The following GLIS1 variants were observed in gnomAD, a reference collection of about 807,000 sequenced individuals.
GLIS1 encodes the protein zinc finger protein GLIS1.
In GLIS1, 24 loss-of-function variants were observed where a neutral mutation model predicts 63.8. The observed-to-expected ratio is 0.38, with a 90% CI of 0.27 to 0.53. GLIS1 has a LOEUF of 0.53. Ranked by LOEUF, GLIS1 falls within the 20% of genes least tolerant of loss-of-function variation. The probability of loss-of-function intolerance (pLI) is 0.85; values close to 1 mark genes in which losing one functional copy is unlikely to be tolerated. For synonymous variants in GLIS1, 450 were observed against 482.5 expected (o/e 0.93, Z 0.88); for missense variants, 1,036 against 1,074.1 (o/e 0.96, Z 0.50).
intron 2 of GLIS1, among the ~76,000 whole-genome samples, chr1:53,622,373 A>G (rs888749040): frequency 2.0e-5 from 3 of 147,476 alleles, no homozygotes; most frequent in Non-Finnish European, 4.5e-5. Context: ...GGTTGCAGTG[A>G]GCCGAGATCG....
chr1:53,707,268 T>C (rs750210940), intron 2 of GLIS1, among the ~76,000 whole-genome samples: 3 of 152,160 alleles, frequency 2.0e-5, no homozygotes, highest in Non-Finnish European at 2.9e-5. Flanking sequence ...TTTAAGACCA[T>C]GAGGCTGTTA....
chr1:53,554,838 C>A (rs943923359), intron 4 of GLIS1, among the ~76,000 whole-genome samples: 8 of 152,334 alleles, frequency 5.3e-5, no homozygotes, highest in Middle Eastern at 3.4e-3. Context: ...ACCCCCTGTC[C>A]CTGCTGAGGC....
At chr1:53,611,921 A>G (rs1645428168) in intron 2 of GLIS1, among the ~76,000 whole-genome samples, 1 of 151,782 alleles carries the variant, frequency 6.6e-6, no homozygotes, top group African/African-American at 2.4e-5. Flanking sequence ...GCAGCCCCAA[A>G]CTCCCAGGCT....
intron 2 of GLIS1, among the ~76,000 whole-genome samples, chr1:53,717,330 C>T (rs957910288): frequency 6.6e-6 from 1 of 152,184 alleles, no homozygotes; most frequent in African/African-American, 2.4e-5. Flanking sequence ...TAAAGGTTCG[C>T]TCTTATTAAA....
intron 3 of GLIS1, among the ~76,000 whole-genome samples, chr1:53,596,346 G>T (rs752292793): frequency 5.3e-5 from 8 of 152,232 alleles, no homozygotes; most frequent in Non-Finnish European, 1.0e-4. Context: ...AAGGGGAAAG[G>T]TCAGGAAAGT....
At chr1:53,624,679 T>C (rs765205652) in intron 2 of GLIS1, among the ~76,000 whole-genome samples, 4 of 151,966 alleles carry the variant, frequency 2.6e-5, no homozygotes, top group Non-Finnish European at 5.9e-5. Context: ...AAGCTAGAAC[T>C]ACAGGCATGT....
At chr1:53,586,214 G>T (rs984895704) in intron 4 of GLIS1, among the ~76,000 whole-genome samples, 2 of 152,192 alleles carry the variant, frequency 1.3e-5, no homozygotes, top group African/African-American at 4.8e-5. Context: ...AGGAAGAAAA[G>T]CATCCCAATG....
intron 2 of GLIS1, among the ~76,000 whole-genome samples, chr1:53,660,237 A>G (rs1013268355): frequency 4.7e-4 from 71 of 152,292 alleles, no homozygotes; most frequent in Non-Finnish European, 2.2e-4. Flanking sequence ...GACCCTTGCA[A>G]GATGAGCTCA....
chr1:53,721,743 T>C (rs183657420), intron 2 of GLIS1, among the ~76,000 whole-genome samples: 1 of 152,074 alleles, frequency 6.6e-6, no homozygotes, highest in East Asian at 1.9e-4. Flanking sequence ...CTCCCACAAA[T>C]AGTAATAATA....
intron 4 of GLIS1, among the ~76,000 whole-genome samples, chr1:53,538,822 C>T (rs754152566): frequency 1.2e-4 from 18 of 152,158 alleles, no homozygotes; most frequent in Non-Finnish European, 2.1e-4. Flanking sequence ...GGCAAAAGTT[C>T]CTGTCTGGGC....
intron 2 of GLIS1, among the ~76,000 whole-genome samples, chr1:53,660,203 C>A (rs1417527163): frequency 6.6e-6 from 1 of 152,176 alleles, no homozygotes; most frequent in East Asian, 1.9e-4. Context: ...GGCTAGGCAT[C>A]CACTGCCTCA....
chr1:53,525,705 CCCCTTGGTGGCT>C (rs1644461041), intron 5 of GLIS1, among the ~76,000 whole-genome samples: 1 of 151,870 alleles, frequency 6.6e-6, no homozygotes, highest in South Asian at 2.1e-4. Context: ...GCCTTTGAAA[CCCCTTGGTGGCT>C]CCCTGGTGCC....
intron 4 of GLIS1, among the ~76,000 whole-genome samples, chr1:53,583,412 C>T (rs1415549196): frequency 2.6e-5 from 4 of 152,202 alleles, no homozygotes; most frequent in Non-Finnish European, 4.4e-5. Flanking sequence ...ATCAGTTGAA[C>T]AGACACTCAC....
intron 4 of GLIS1, among the ~76,000 whole-genome samples, chr1:53,561,292 G>A (rs146175161): frequency 1.8e-4 from 28 of 152,086 alleles, no homozygotes; most frequent in African/African-American, 6.7e-4. Context: ...AACAGTGCAC[G>A]ACTTTACAAG....
intron 7 of GLIS1, among the ~76,000 whole-genome samples, chr1:53,520,390 C>A (rs902611773): frequency 6.6e-6 from 1 of 152,224 alleles, no homozygotes; most frequent in African/African-American, 2.4e-5. Flanking sequence ...GGGCTTCATG[C>A]CCTGAGCAAT....
intron 2 of GLIS1, among the ~76,000 whole-genome samples, chr1:53,698,874 C>A (rs1473649727): frequency 6.6e-6 from 1 of 152,174 alleles, no homozygotes; most frequent in African/African-American, 2.4e-5. Context: ...GCGGGCAGCA[C>A]CAAACCCCAC....
At position 53,515,071 on chromosome 1, in the gene GLIS1, GTGTGTATA is replaced by G. The variant is rs1175827490; in HGVS notation, c.1727-298_1727-291del. Among the ~76,000 whole-genome samples, 8 of 102,958 alleles carry G rather than the reference GTGTGTATA, an allele frequency of 7.8e-5. No individual in the cohort carries two copies. The South Asian group carries it at 1.3e-3, about 16-fold the overall frequency. The allele number at this position is 102,958 out of a possible 152,430, so 67.5% of individuals were successfully genotyped here. ...CAGAGGCGTGGGGTGCTTAGGGTGT[GTGTGTATA>G]TGTGTGTGTGTGTGTGTGTGTGTGT... On this transcript the variant is annotated intron_variant, in intron 7 of 10. Coordinates refer to ENST00000628545, the MANE Select transcript of GLIS1 (RefSeq NM_001367484.1).
chr1:53,632,678 ATGAG>A (rs1160084201), intron 2 of GLIS1, among the ~76,000 whole-genome samples: 5 of 124,026 alleles, frequency 4.0e-5, no homozygotes, highest in Non-Finnish European at 8.4e-5. Context: ...GGGTGTGTGA[ATGAG>A]TGTGAATGAG....
intron 2 of GLIS1, among the ~76,000 whole-genome samples, chr1:53,618,287 G>A (rs1645504133): frequency 6.6e-6 from 1 of 152,236 alleles, no homozygotes; most frequent in Non-Finnish European, 1.5e-5. Flanking sequence ...TACACCAGGT[G>A]AGAACTGGGC....
Sources: allele counts gnomAD v4.1 joint callset (sites outside exome capture counted in the v4.1 genomes callset), GRCh38; gene constraint gnomAD v4.1.1; transcripts MANE v1.5; gene names NCBI Gene and HGNC (gene_info 2026-07-23, HGNC 2026-07-21).